The following MRPS5 variants were observed in gnomAD, a reference collection of about 807,000 sequenced individuals.
The protein encoded by MRPS5 is mitochondrial ribosomal protein S5, also known as small ribosomal subunit protein uS5m.
A neutral mutation model predicts 51.9 loss-of-function variants in MRPS5; 27 were observed. The ratio of observed to expected loss-of-function variants is 0.52; its 90% CI spans 0.38 to 0.72. The LOEUF (loss-of-function observed/expected upper bound fraction) is 0.72. MRPS5 is among the 30% of genes least tolerant of loss of function. The pLI is 0.00. For synonymous variants in MRPS5, 196 were observed against 193.2 expected, an observed-to-expected ratio of 1.01 and a Z score of -0.12; for missense variants, 570 against 545.7, an observed-to-expected ratio of 1.04 and a Z score of -0.44.
rs368393219 is a variant in MRPS5 at position 95,106,471 on chromosome 2, A to C, written c.638-14T>G. 6.2e-7 allele frequency: 1 copy of C among 1,607,236 alleles called. No individual in the cohort carries two copies. The highest frequency in any genetic ancestry group is 8.5e-7 in the Non-Finnish European group (1 of 1,173,868). ...CCTCATATGTTTCTGTAGGGAGAAA[A>C]GAAACAGGGATACAGATGAAATGTG... On this transcript the variant is annotated splice_polypyrimidine_tract_variant and intron_variant, in intron 5 of 11. Transcript: ENST00000272418.
chr2:95,096,257 C>A (rs1229498879), intron 10 of MRPS5, among the ~76,000 whole-genome samples: 1 of 152,176 alleles, frequency 6.6e-6, no homozygotes, highest in African/African-American at 2.4e-5. Flanking sequence ...ACCAGAGGTA[C>A]AAAGAGGAGC....
intron 11 of MRPS5, among the ~76,000 whole-genome samples, chr2:95,088,977 GA>G (rs1368760156): frequency 6.6e-6 from 1 of 152,166 alleles, no homozygotes; most frequent in Admixed American, 6.5e-5. Flanking sequence ...TGAGGCAGGA[GA>G]ATCGCTTGAA....
intron 7 of MRPS5, 39 bp downstream of exon 7, chr2:95,104,601 C>T (rs1675895993): frequency 6.2e-7 from 1 of 1,606,204 alleles, no homozygotes; most frequent in Admixed American, 1.7e-5. Flanking sequence ...CCTTTCCCTG[C>T]ACACCACCGC....
At chr2:95,106,637 A>C in intron 5 of MRPS5, 180 bp from the exon 6 acceptor site, 1 of 621,926 alleles carries the variant, frequency 1.6e-6, no homozygotes, top group Non-Finnish European at 2.9e-6. Context: ...TCCACCAGTT[A>C]AGTTCATAAA....
chr2:95,101,003 A>C, intron 8 of MRPS5, 109 bp from the exon 9 acceptor site: 1 of 948,068 alleles, frequency 1.1e-6, no homozygotes, highest in Non-Finnish European at 1.6e-6. Flanking sequence ...TCACTTACGC[A>C]AAAAGGTTAG....
chr2:95,090,404 G>C lies in MRPS5; in HGVS notation c.1050C>G (p.Phe350Leu), dbSNP rs1372067502. The change falls in exon 11 of 12, where the codon TTC becomes TTG. Residue 350 changes from phenylalanine (F) to leucine (L), a missense_variant. By Grantham distance (22) the Phe-to-Leu change is conservative. Coordinates refer to ENST00000272418, the MANE Select transcript of MRPS5 (RefSeq NM_031902.5). ...INMLSLTQGL[F>L]RGLSRQETHQ... ...GGATTACCTGTCTGGAGAGCCCACG[G>C]AAGAGGCCCTGGGTGAGGCTGAGCA... The C allele has an allele frequency of 1.2e-6, 2 of 1,613,648 alleles. No homozygotes were observed. The highest frequency in any genetic ancestry group is 2.7e-5 in the African/African-American group (2 of 74,872).
chr2:95,118,747 G>T (rs1181598110), intron 1 of MRPS5, among the ~76,000 whole-genome samples: 1 of 152,214 alleles, frequency 6.6e-6, no homozygotes. Context: ...ATTCAATGAG[G>T]AAAGAATCAT....
intron 7 of MRPS5, chr2:95,104,298 T>C (rs191418278): frequency 2.1e-4 from 58 of 276,490 alleles, no homozygotes; most frequent in Non-Finnish European, 3.7e-4. Context: ...ATACAGAATA[T>C]TACAGTGTAT....
chr2:95,113,247 C>T (rs1472197015), intron 3 of MRPS5, among the ~76,000 whole-genome samples: 3 of 151,878 alleles, frequency 2.0e-5, no homozygotes, highest in Non-Finnish European at 4.4e-5. Flanking sequence ...GAGGCCGAGG[C>T]GGGTGGATCA....
intron 9 of MRPS5, 99 bp from the exon 10 acceptor site, chr2:95,100,635 C>T (rs1247236608): frequency 3.1e-6 from 3 of 980,946 alleles, no homozygotes; most frequent in Non-Finnish European, 4.7e-6. Flanking sequence ...CAACAGCCAG[C>T]ACATATTGAC....
intron 3 of MRPS5, among the ~76,000 whole-genome samples, chr2:95,113,283 T>C (rs1409440765): frequency 6.6e-6 from 1 of 151,938 alleles, no homozygotes; most frequent in East Asian, 1.9e-4. Flanking sequence ...GAGACCATCC[T>C]GGCTAACACG....
chr2:95,121,597 C>T (rs1454696910), intron 1 of MRPS5, 137 bp downstream of exon 1: 3 of 945,652 alleles, frequency 3.2e-6, no homozygotes, highest in Non-Finnish European at 3.0e-6. Context: ...GCGGCTCCGG[C>T]GGAAGGTGGG....
At position 95,087,492 on chromosome 2, in the gene MRPS5, G is replaced by A; in HGVS notation, c.1158C>T (p.Ser386=). 2 of 1,614,086 alleles carry A rather than the reference G, an allele frequency of 1.2e-6. No homozygotes were observed. Among genetic ancestry groups the A allele is most frequent in the South Asian group, 1.1e-5 (1 of 91,072 alleles). The change falls in exon 12 of 12, where the codon TCC becomes TCT. Residue 386 remains serine (S), a synonymous_variant. Coordinates refer to ENST00000272418, the MANE Select transcript of MRPS5 (RefSeq NM_031902.5). ...GATCCTTCCTCAAGGGCCCCCGGGGGGACGCAACCACAATGGGCAGAGGGC... is the reference window on the plus strand; with the variant it reads ...GATCCTTCCTCAAGGGCCCCCGGGGAGACGCAACCACAATGGGCAGAGGGC... ...ECGPLPIVVA[S]PRGPLRKDPE...
chr2:95,092,911 C>T (rs1665776614), intron 10 of MRPS5: 1 of 152,230 alleles, frequency 6.6e-6, no homozygotes, highest in Non-Finnish European at 1.5e-5. Context: ...CATCGCCTCA[C>T]CCGGGAAGCA....
At chr2:95,121,603 G>GT in intron 1 of MRPS5, 131 bp downstream of exon 1, 2 of 1,005,702 alleles carry the variant, frequency 2.0e-6, no homozygotes, top group Non-Finnish European at 2.8e-6. Context: ...CCGGCGGAAG[G>GT]TGGGGGCACG....
chr2:95,107,885 G>A (rs1282144661), intron 5 of MRPS5, among the ~76,000 whole-genome samples: 1 of 152,096 alleles, frequency 6.6e-6, no homozygotes, highest in Non-Finnish European at 1.5e-5. Flanking sequence ...TGGAAACAGT[G>A]TATCCTATAG....
Position 95,121,725 on chromosome 2 carries a change from A to G in MRPS5, c.58+9T>C, listed in dbSNP as rs1676459652. Reference sequence around the variant, plus strand: ...TCAGAGCCCCTGCTCCCGGCGTCCCAGCTCTCACCTGCCGTCCCGCTACAC... The same window carrying G: ...TCAGAGCCCCTGCTCCCGGCGTCCCGGCTCTCACCTGCCGTCCCGCTACAC... On this transcript the variant is annotated intron_variant, in intron 1 of 11. Coordinates refer to ENST00000272418, the MANE Select transcript of MRPS5 (RefSeq NM_031902.5). 6 of 1,539,054 alleles carry G rather than the reference A, an allele frequency of 3.9e-6. No individual in the cohort carries two copies. Among genetic ancestry groups the G allele is most frequent in the Non-Finnish European group, 5.2e-6 (6 of 1,150,524 alleles).
At position 95,090,342 on chromosome 2, in the gene MRPS5, A is replaced by G. The variant is rs779092172; in HGVS notation, c.1068+44T>C. On this transcript the variant is annotated intron_variant, in intron 11 of 11. Coordinates refer to ENST00000272418, the MANE Select transcript of MRPS5 (RefSeq NM_031902.5). ...TCGTAGCCCCAACACACACAACTGA[A>G]ATACAAACTAGAACCTCTGTTTCAG... is the stretch of plus-strand genomic sequence containing the variant. The G allele has an allele frequency of 3.7e-6, 6 of 1,605,686 alleles. No homozygotes were observed. In the African/African-American group the frequency reaches 8.0e-5, roughly 22 times the overall value.
At chr2:95,088,105 C>G (rs1299970688) in intron 11 of MRPS5, among the ~76,000 whole-genome samples, 4 of 151,458 alleles carry the variant, frequency 2.6e-5, no homozygotes, top group Non-Finnish European at 2.9e-5. Context: ...GTTCTGCAAC[C>G]TGATTCAAAC....
Sources: allele counts gnomAD v4.1 joint callset (sites outside exome capture counted in the v4.1 genomes callset), GRCh38; gene constraint gnomAD v4.1.1; transcripts MANE v1.5; gene names NCBI Gene and HGNC (gene_info 2026-07-23, HGNC 2026-07-21).